Variants in FKTN observed in about 807,000 individuals in gnomAD.
FKTN encodes the protein fukutin, also known as ribitol-5-phosphate transferase FKTN.
A neutral mutation model predicts 58.6 loss-of-function variants in FKTN; 47 were observed. The ratio of observed to expected loss-of-function variants is 0.80; its 90% CI spans 0.63 to 1.02. The LOEUF is 1.02. Ranked by LOEUF, FKTN falls within the 50% of genes least tolerant of loss-of-function variation. The pLI is 0.00. For synonymous variants in FKTN, 178 were observed against 191.9 expected, an observed-to-expected ratio of 0.93 and a Z score of 0.60; for missense variants, 516 against 537.3, an observed-to-expected ratio of 0.96 and a Z score of 0.39.
rs188804693 is a variant in FKTN, at chr9:105,574,956, A to G, written c.-77A>G. ...TTTTTTGTTCACAGAAAACAAAATT[A>G]TCTTCCTTTCCAAATCCAAAAAGAT... On this transcript the variant is annotated 5_prime_UTR_variant, in exon 3 of 11. Coordinates refer to ENST00000357998, the MANE Select transcript of FKTN (RefSeq NM_001079802.2). 7.1e-4 allele frequency: 601 copies of G among 851,428 alleles called. 1 individual carries two copies. Among genetic ancestry groups the G allele is most frequent in the Non-Finnish European group, 1.1e-3 (517 of 487,834 alleles). 52.7% of individuals were successfully genotyped at this position (851,428 alleles called of 1,614,324 possible). A position where few individuals can be genotyped will look rare whatever the true frequency, so the allele number is the denominator to read the frequency against.
chr9:105,563,602 G>A lies in FKTN; in HGVS notation c.-181+5437G>A, dbSNP rs966693368. Among the ~76,000 whole-genome samples, 4 of 151,992 alleles carry A rather than the reference G, an allele frequency of 2.6e-5. No homozygotes were observed. The South Asian group carries it at 8.3e-4, about 32-fold the overall frequency. On this transcript the variant is annotated intron_variant, in intron 1 of 10. Coordinates refer to ENST00000357998, the MANE Select transcript of FKTN (RefSeq NM_001079802.2). Reference sequence around the variant, plus strand: ...ACTGCAACGTGGCAGCGAGGCTGGGGGGGGGGGCACCCGCCATTGCTGAGG... The same window carrying A: ...ACTGCAACGTGGCAGCGAGGCTGGGAGGGGGGGCACCCGCCATTGCTGAGG...
At chr9:105,597,647 A>G (rs1358180549) in intron 4 of FKTN, among the ~76,000 whole-genome samples, 1 of 152,130 alleles carries the variant, frequency 6.6e-6, no homozygotes, top group Admixed American at 6.5e-5. Context: ...TCCCACCCTT[A>G]GGAAACACAT....
intron 10 of FKTN, among the ~76,000 whole-genome samples, chr9:105,634,601 A>G (rs1833861276): frequency 6.6e-6 from 1 of 152,234 alleles, no homozygotes; most frequent in African/African-American, 2.4e-5. Flanking sequence ...ACCAAAGGAA[A>G]AGCCTGGAAA....
At chr9:105,599,094 A>G (rs1827356279) in intron 4 of FKTN, among the ~76,000 whole-genome samples, 1 of 152,316 alleles carries the variant, frequency 6.6e-6, no homozygotes, top group African/African-American at 2.4e-5. Context: ...AGATATATGA[A>G]GAACTCCCAC....
At chr9:105,623,189 A>C (rs1381167175) in intron 10 of FKTN, 1 of 152,158 alleles carries the variant, frequency 6.6e-6, no homozygotes, top group Non-Finnish European at 1.5e-5. Context: ...ATTTTGAATC[A>C]ACTGGTATGG....
chr9:105,635,773 C>A lies in FKTN; in HGVS notation c.*509C>A. ...CAAGTGATCAGACTTTGAGTGACAT[C>A]AAGAAAAGATGATATCAGGTTCATT... On this transcript the variant is annotated 3_prime_UTR_variant, in exon 11 of 11. Coordinates refer to ENST00000357998, the MANE Select transcript of FKTN (RefSeq NM_001079802.2). The A allele has an allele frequency of 1.0e-6, 1 of 1,001,560 alleles. No individual in the cohort carries two copies. The highest frequency in any genetic ancestry group is 4.3e-5 in the South Asian group (1 of 23,370). 62.0% of individuals were successfully genotyped at this position (1,001,560 alleles called of 1,614,324 possible).
rs2133479235 is a variant in FKTN, at chr9:105,638,608, G to A, written c.*3344G>A. On this transcript the variant is annotated 3_prime_UTR_variant, in exon 11 of 11. Transcript: ENST00000357998. ...TTATGAGGCTCTTTCCTTCCTAAGG[G>A]ACCTTTCCCTGGTAGTAGTGGTCTC... 1 of 985,218 alleles carries A rather than the reference G, an allele frequency of 1.0e-6. No homozygotes were observed. The highest frequency in any genetic ancestry group is 1.1e-4 in the East Asian group (1 of 8,804). The allele number at this position is 985,218 out of a possible 1,614,324, so 61.0% of individuals were successfully genotyped here.
intron 1 of FKTN, among the ~76,000 whole-genome samples, chr9:105,572,143 G>T (rs946125371): frequency 1.3e-5 from 2 of 151,686 alleles, no homozygotes; most frequent in African/African-American, 4.8e-5. Flanking sequence ...GATTTATTAG[G>T]TTATCTTTGC....
chr9:105,627,649 T>A (rs1215627189), intron 10 of FKTN, among the ~76,000 whole-genome samples: 1 of 152,210 alleles, frequency 6.6e-6, no homozygotes, highest in Non-Finnish European at 1.5e-5. Context: ...CATGTCCCAC[T>A]TCTGCTCATT....
intron 3 of FKTN, among the ~76,000 whole-genome samples, chr9:105,594,840 G>A (rs539412928): frequency 4.5e-4 from 68 of 152,316 alleles, no homozygotes; most frequent in African/African-American, 1.6e-3. Flanking sequence ...CCTTTGCTGA[G>A]CAAATAAAAT....
chr9:105,582,471 C>T lies in FKTN; in HGVS notation c.105+7334C>T, dbSNP rs149555951. On this transcript the variant is annotated intron_variant, in intron 3 of 10. Coordinates refer to ENST00000357998, the MANE Select transcript of FKTN (RefSeq NM_001079802.2). Reference sequence around the variant, plus strand: ...TCAGGCTCCCAAAGTGCTGGGATTACAAGTATGGGCTACTGCAACTGGCCT... The same window carrying T: ...TCAGGCTCCCAAAGTGCTGGGATTATAAGTATGGGCTACTGCAACTGGCCT... 5.6e-3 allele frequency among the ~76,000 whole-genome samples: 849 copies of T among 152,294 alleles called. 10 individuals carry two copies. Among genetic ancestry groups the T allele is most frequent in the African/African-American group, 0.02 (823 of 41,562 alleles).
chr9:105,596,675 G>C lies in FKTN; in HGVS notation c.165+18G>C, dbSNP rs563755198. ...CACAGTGGGTATGTAGAATAAACAA[G>C]AAATTTCTCAATTATAATGTTCATT... On this transcript the variant is annotated intron_variant, in intron 4 of 10. Transcript: ENST00000357998. The C allele has an allele frequency of 1.3e-6, 2 of 1,551,730 alleles. No individual in the cohort carries two copies. Among genetic ancestry groups the C allele is most frequent in the Non-Finnish European group, 8.9e-7 (1 of 1,123,546 alleles).
chr9:105,576,194 T>G (rs541405949), intron 3 of FKTN, among the ~76,000 whole-genome samples: 2 of 151,938 alleles, frequency 1.3e-5, no homozygotes, highest in East Asian at 3.9e-4. Flanking sequence ...TACTTTAAGT[T>G]TTAGGGTACA....
chr9:105,601,337 T>C lies in FKTN; in HGVS notation c.358T>C (p.Trp120Arg). Residue 120 changes from tryptophan (W) to arginine (R), a missense_variant, in exon 5 of 11, where the codon TGG (tryptophan) becomes CGG (arginine). Physicochemically the swap from Trp to Arg is moderately radical, Grantham distance 101 (BLOSUM62 -3). Coordinates refer to ENST00000357998, the MANE Select transcript of FKTN (RefSeq NM_001079802.2). ...FTAFALQYHLWKNEEGWFRIA... is the reference protein window; with the variant it reads ...FTAFALQYHLRKNEEGWFRIA... The stretch of plus-strand genomic sequence containing the variant: ...TGCATTTGCACTGCAGTATCACCTA[T>C]GGAAGAATGAGGTAAGTGACTTGCT... 6.2e-7 allele frequency: 1 copy of C among 1,603,176 alleles called. No individual in the cohort carries two copies. Among genetic ancestry groups the C allele is most frequent in the Non-Finnish European group, 8.5e-7 (1 of 1,173,216 alleles).
chr9:105,595,143 A>G (rs145614055), intron 3 of FKTN, among the ~76,000 whole-genome samples: 1,867 of 152,260 alleles, frequency 0.012, 18 homozygotes, highest in Admixed American at 0.028. Flanking sequence ...CACAGAGAAG[A>G]TAATTAGTGT....
At chr9:105,613,165 G>A (rs140572541) in intron 7 of FKTN, among the ~76,000 whole-genome samples, 5 of 152,268 alleles carry the variant, frequency 3.3e-5, no homozygotes, top group Admixed American at 3.3e-4. Context: ...CTTTTAACAG[G>A]TAAGAAAATT....
intron 4 of FKTN, chr9:105,598,016 G>T (rs1261565670): frequency 1.4e-5 from 5 of 360,534 alleles, no homozygotes; most frequent in Non-Finnish European, 2.8e-5. Flanking sequence ...ATTTTAAAAT[G>T]GAATTTGTGA....
chr9:105,606,886 A>G (rs1175670274), intron 6 of FKTN, among the ~76,000 whole-genome samples: 1 of 151,740 alleles, frequency 6.6e-6, no homozygotes, highest in Admixed American at 6.6e-5. Flanking sequence ...ATGAGTAGAG[A>G]TGGAGAACAA....
intron 3 of FKTN, among the ~76,000 whole-genome samples, chr9:105,584,749 G>C (rs1843611479): frequency 6.6e-6 from 1 of 152,080 alleles, no homozygotes; most frequent in African/African-American, 2.4e-5. Flanking sequence ...GAGCTTGGGA[G>C]ATTCAAGGCT....
Sources: gnomAD v4.1 joint callset for allele counts (sites outside exome capture counted in the v4.1 genomes callset) on GRCh38, gnomAD v4.1.1 for gene constraint, MANE v1.5 for transcripts, NCBI Gene and HGNC (gene_info 2026-07-23, HGNC 2026-07-21) for gene names.